The following TPTE2 variants were observed in gnomAD, a reference collection of about 807,000 sequenced individuals.
TPTE2 encodes the protein transmembrane phosphoinositide 3-phosphatase and tensin homolog 2, also known as phosphatidylinositol 3,4,5-trisphosphate 3-phosphatase TPTE2.
TPTE2 carries 53 observed loss-of-function variants against 78.6 expected under a neutral mutation model. That is an observed-to-expected ratio of 0.67 (90% CI 0.54 to 0.85). The LOEUF (loss-of-function observed/expected upper bound fraction) is 0.85, where lower values mean the gene tolerates loss of function less well. Ranked by LOEUF, TPTE2 falls within the 40% of genes least tolerant of loss-of-function variation. The probability of loss-of-function intolerance (pLI) is 0.00; values close to 1 mark genes in which losing one functional copy is unlikely to be tolerated. For synonymous variants in TPTE2, 175 were observed against 206.2 expected (o/e 0.85, Z 1.30); for missense variants, 461 against 623.0 (o/e 0.74, Z 2.77).
rs558583266 is a variant in TPTE2, at chr13:19,479,114, A to C, written c.179+3374T>G. Among the ~76,000 whole-genome samples, 3 of 152,338 alleles carry C rather than the reference A, an allele frequency of 2.0e-5. No individual in the cohort carries two copies. In the South Asian group the frequency reaches 6.2e-4, roughly 32 times the overall value. On this transcript the variant is annotated intron_variant, in intron 4 of 19. Transcript: ENST00000400230. ...CATGGCACATGCATAAATATGTAAC[A>C]AACCTGCACATTGTGCACATGTACC...
At chr13:19,512,340 T>G (rs1283661284) in intron 1 of TPTE2, among the ~76,000 whole-genome samples, 1 of 152,222 alleles carries the variant, frequency 6.6e-6, no homozygotes, top group Non-Finnish European at 1.5e-5. Flanking sequence ...AGTCTACTTT[T>G]TGTTAACTAA....
upstream of TPTE2, among the ~76,000 whole-genome samples, chr13:19,504,273 G>A (rs1490851442): frequency 6.6e-6 from 1 of 152,096 alleles, no homozygotes; most frequent in African/African-American, 2.4e-5. Context: ...AAATTCAGCT[G>A]CAGTTTCTAT....
intron 1 of TPTE2, among the ~76,000 whole-genome samples, chr13:19,527,217 C>T (rs1870559501): frequency 6.6e-6 from 1 of 152,142 alleles, no homozygotes; most frequent in Admixed American, 6.5e-5. Context: ...TACAGTTAGA[C>T]AGAAGGAATA....
intron 13 of TPTE2, among the ~76,000 whole-genome samples, chr13:19,443,736 A>G (rs1358837552): frequency 1.1e-5 from 1 of 94,436 alleles, no homozygotes; most frequent in Non-Finnish European, 2.1e-5. Context: ...ATGGTAGCTA[A>G]TACACACACA....
At chr13:19,467,825 CA>C (rs1879360500) in intron 6 of TPTE2, among the ~76,000 whole-genome samples, 1 of 148,142 alleles carries the variant, frequency 6.8e-6, no homozygotes, top group Non-Finnish European at 1.5e-5. Context: ...TCCCCACCCC[CA>C]AGCCCCTACT....
intron 4 of TPTE2, among the ~76,000 whole-genome samples, chr13:19,479,061 T>C (rs1880155051): frequency 6.6e-6 from 1 of 151,970 alleles, no homozygotes; most frequent in Admixed American, 6.6e-5. Flanking sequence ...CTAATGTAAA[T>C]GACGAATTAA....
At chr13:19,495,160 C>G (rs760272040) in intron 1 of TPTE2, among the ~76,000 whole-genome samples, 35 of 152,292 alleles carry the variant, frequency 2.3e-4, no homozygotes, top group Middle Eastern at 3.4e-3. Context: ...CACTTTTCAC[C>G]CATCCTAGTT....
intron 3 of TPTE2, among the ~76,000 whole-genome samples, chr13:19,483,691 A>T (rs1172519173): frequency 6.6e-6 from 1 of 151,922 alleles, no homozygotes. Context: ...GTTTGTTCTT[A>T]CTATTCTAGT....
intron 1 of TPTE2, among the ~76,000 whole-genome samples, chr13:19,522,231 T>A (rs1223526249): frequency 1.3e-5 from 2 of 152,204 alleles, no homozygotes; most frequent in Non-Finnish European, 2.9e-5. Flanking sequence ...ACTTCATAAT[T>A]GGCCCAATAT....
intron 1 of TPTE2, among the ~76,000 whole-genome samples, chr13:19,499,328 C>A (rs1278442116): frequency 6.6e-6 from 1 of 151,670 alleles, no homozygotes; most frequent in Non-Finnish European, 1.5e-5. Context: ...CTCTCCACCC[C>A]AAATCAACAG....
intron 10 of TPTE2, among the ~76,000 whole-genome samples, chr13:19,452,994 T>TATTTC (rs1878282569): frequency 7.7e-5 from 1 of 13,044 alleles, no homozygotes; most frequent in African/African-American, 1.6e-4. Flanking sequence ...TTATTTATTT[T>TATTTC]ATTTTATTTT....
intron 13 of TPTE2, among the ~76,000 whole-genome samples, chr13:19,448,406 A>G (rs1877971219): frequency 6.6e-6 from 1 of 152,206 alleles, no homozygotes; most frequent in Admixed American, 6.5e-5. Context: ...AATGGGAGAA[A>G]TATCTACAAA....
chr13:19,540,904 A>C (rs868392376), upstream of TPTE2, among the ~76,000 whole-genome samples: 1 of 152,190 alleles, frequency 6.6e-6, no homozygotes, highest in African/African-American at 2.4e-5. Flanking sequence ...TTAGCTGTCT[A>C]CTGGTGCATA....
intron 8 of TPTE2, 72 bp downstream of exon 11, chr13:19,465,393 T>C: frequency 1.2e-6 from 2 of 1,609,614 alleles, no homozygotes; most frequent in Non-Finnish European, 1.7e-6. Flanking sequence ...ACAGTATAGA[T>C]ATCAACCCTT....
At chr13:19,555,659 C>T in the TPTE2 span, among the ~76,000 whole-genome samples, 1 of 152,090 alleles carries the variant, frequency 6.6e-6, no homozygotes. Flanking sequence ...CATAAAACTT[C>T]AATGCTTCCT....
At chr13:19,513,741 T>C (rs1331495146) in intron 1 of TPTE2, among the ~76,000 whole-genome samples, 1 of 152,228 alleles carries the variant, frequency 6.6e-6, no homozygotes, top group Admixed American at 6.5e-5. Context: ...CAAAAAAGTT[T>C]AATGAATCAG....
At chr13:19,423,055 T>C (rs560243699) in exon 20 of TPTE2, 50 of 1,612,318 alleles carry the variant, frequency 3.1e-5, no homozygotes, top group Middle Eastern at 1.7e-4. Context: ...TACAACATCA[T>C]TGGAAGTCAT....
intron 13 of TPTE2, among the ~76,000 whole-genome samples, chr13:19,441,129 A>G (rs1877467186): frequency 1.3e-5 from 2 of 152,016 alleles, no homozygotes; most frequent in South Asian, 2.1e-4. Context: ...TCACGGATGC[A>G]GCTGGAAGTC....
At chr13:19,449,295 T>A (rs1878032890) in intron 13 of TPTE2, among the ~76,000 whole-genome samples, 2 of 152,126 alleles carry the variant, frequency 1.3e-5, no homozygotes, top group African/African-American at 4.8e-5. Context: ...TGCCTCAGCC[T>A]CCCGAGTAGC....
Sources: allele counts gnomAD v4.1 joint callset (sites outside exome capture counted in the v4.1 genomes callset), GRCh38; gene constraint gnomAD v4.1.1; transcripts MANE v1.5; gene names NCBI Gene and HGNC (gene_info 2026-07-23, HGNC 2026-07-21).